TENM4: variants seen among roughly 807,000 people sequenced by gnomAD.
TENM4 encodes the protein teneurin-4.
A neutral mutation model predicts 243.3 loss-of-function variants in TENM4; 82 were observed. That is an observed-to-expected ratio of 0.34 (90% CI 0.28 to 0.40). The LOEUF is 0.40. TENM4 is among the 10% of genes least tolerant of loss of function. The pLI is 1.00. For synonymous variants in TENM4, 1,412 were observed against 1,456.3 expected (o/e 0.97, Z 0.69); for missense variants, 3,138 against 3,673.3 (o/e 0.85, Z 3.77).
At chr11:79,063,570 G>A (rs968598430) in intron 6 of TENM4, among the ~76,000 whole-genome samples, 2 of 152,190 alleles carry the variant, frequency 1.3e-5, no homozygotes, top group Non-Finnish European at 2.9e-5. Context: ...GAACCCAGCA[G>A]GACCCACCTC....
chr11:79,399,369 C>A (rs1299155255), intron 1 of TENM4, among the ~76,000 whole-genome samples: 1 of 152,122 alleles, frequency 6.6e-6, no homozygotes, highest in Non-Finnish European at 1.5e-5. Flanking sequence ...TGCTTATGGA[C>A]AAGGACTAAT....
At chr11:79,001,596 G>C (rs11601247) in intron 6 of TENM4, among the ~76,000 whole-genome samples, 3 of 152,218 alleles carry the variant, frequency 2.0e-5, no homozygotes, top group African/African-American at 4.8e-5. Context: ...ATCTGCAGTA[G>C]AGCACGGCCA....
chr11:79,055,503 A>C (rs1239218012), intron 6 of TENM4, among the ~76,000 whole-genome samples: 1 of 152,150 alleles, frequency 6.6e-6, no homozygotes, highest in East Asian at 1.9e-4. Flanking sequence ...CGGCCTCCCA[A>C]AGTGCTGGGA....
At chr11:78,749,812 G>A (rs1256187301) in intron 19 of TENM4, among the ~76,000 whole-genome samples, 1 of 152,178 alleles carries the variant, frequency 6.6e-6, no homozygotes, top group Non-Finnish European at 1.5e-5. Context: ...TTTAGGTCCT[G>A]ATTGAGATGA....
intron 6 of TENM4, among the ~76,000 whole-genome samples, chr11:79,046,876 C>T (rs960412046): frequency 2.0e-5 from 3 of 152,210 alleles, no homozygotes; most frequent in Non-Finnish European, 4.4e-5. Flanking sequence ...ATGAATACAA[C>T]ACCCAATAAA....
At chr11:78,721,098 G>T (rs1859639088) in intron 24 of TENM4, among the ~76,000 whole-genome samples, 1 of 152,192 alleles carries the variant, frequency 6.6e-6, no homozygotes, top group African/African-American at 2.4e-5. Flanking sequence ...GTCCAAAGTT[G>T]CACAGCTTCT....
intron 1 of TENM4, among the ~76,000 whole-genome samples, chr11:79,316,390 A>T (rs923449451): frequency 2.6e-5 from 4 of 152,184 alleles, no homozygotes; most frequent in African/African-American, 9.6e-5. Context: ...TAGCTCAATG[A>T]TTGAATGAAT....
At position 78,657,061 on chromosome 11, in the gene TENM4, C is replaced by G; in HGVS notation, c.*997G>C. On this transcript the variant is annotated 3_prime_UTR_variant, in exon 34 of 34. Coordinates refer to ENST00000278550, the MANE Select transcript of TENM4 (RefSeq NM_001098816.3). ...AGAGGGCTTTGCCTCGGAAGGCAGGCTGGTGCCCTCGCCACCACTGCCATG... is the reference window on the plus strand; with the variant it reads ...AGAGGGCTTTGCCTCGGAAGGCAGGGTGGTGCCCTCGCCACCACTGCCATG... The G allele has an allele frequency of 2.5e-6, 1 of 398,658 alleles. No homozygotes were observed. Among genetic ancestry groups the G allele is most frequent in the Non-Finnish European group, 4.4e-6 (1 of 226,104 alleles). The allele number at this position is 398,658 out of a possible 1,614,324, so 24.7% of individuals were successfully genotyped here.
At chr11:78,823,622 A>T (rs7924624) in intron 12 of TENM4, among the ~76,000 whole-genome samples, 149 of 152,234 alleles carry the variant, frequency 9.8e-4, no homozygotes, top group African/African-American at 3.4e-3. Context: ...AGGCGGGAAC[A>T]CTGCAGCAAG....
chr11:78,916,743 A>ATCTT (rs56267804), intron 6 of TENM4, among the ~76,000 whole-genome samples: 37,378 of 151,814 alleles, frequency 0.25, 4,774 homozygotes, highest in Middle Eastern at 0.32. Context: ...ATCTACTCAC[A>ATCTT]TCTTTGTTTA....
intron 1 of TENM4, among the ~76,000 whole-genome samples, chr11:79,330,375 G>A (rs72933087): frequency 3.5e-4 from 53 of 152,296 alleles, no homozygotes; most frequent in Admixed American, 9.8e-4. Flanking sequence ...GCTGGCCTCT[G>A]CTCAGTCCCT....
Position 79,376,770 on chromosome 11 carries a change from T to A in TENM4, c.-321+63739A>T, listed in dbSNP as rs75325794. On this transcript the variant is annotated intron_variant, in intron 1 of 33. Transcript: ENST00000278550. ...ATCCTGCCCTTGCCAGGGTGGTATGTCCCCTCAGAGTGGCTCACACTCAGC... is the reference window on the plus strand; with the variant it reads ...ATCCTGCCCTTGCCAGGGTGGTATGACCCCTCAGAGTGGCTCACACTCAGC... 2.0e-4 allele frequency among the ~76,000 whole-genome samples: 30 copies of A among 152,290 alleles called. No homozygotes were observed. The East Asian group carries it at 5.8e-3, about 29-fold the overall frequency.
intron 2 of TENM4, among the ~76,000 whole-genome samples, chr11:79,218,240 C>CGCCG (rs1864093714): frequency 7.2e-6 from 1 of 138,584 alleles, no homozygotes; most frequent in South Asian, 2.5e-4. Flanking sequence ...GCCCACCCAC[C>CGCCG]CCCGACACAC....
At chr11:78,948,730 GTTTT>G (rs1365928266) in intron 6 of TENM4, among the ~76,000 whole-genome samples, 3 of 152,192 alleles carry the variant, frequency 2.0e-5, no homozygotes, top group African/African-American at 7.2e-5. Flanking sequence ...TAAGAGTCAA[GTTTT>G]TGGCTGATTT....
At chr11:79,225,266 A>G (rs1173739796) in intron 2 of TENM4, among the ~76,000 whole-genome samples, 2 of 152,246 alleles carry the variant, frequency 1.3e-5, no homozygotes, top group African/African-American at 4.8e-5. Flanking sequence ...AAGGAAGCTT[A>G]CACGCCTAAG....
chr11:78,856,211 A>C, intron 10 of TENM4, 33 bp from the exon 11 acceptor site: 1 of 1,542,318 alleles, frequency 6.5e-7, no homozygotes, highest in African/African-American at 1.4e-5. Context: ...AGACAAAGAC[A>C]TCTCGGTTAG....
intron 1 of TENM4, among the ~76,000 whole-genome samples, chr11:79,405,847 C>CAAA (rs763128589): frequency 0.01 from 671 of 66,920 alleles, 1 homozygote; most frequent in Non-Finnish European, 0.012. Context: ...ATTGTGATTT[C>CAAA]AAAAAAAAAA....
At chr11:79,008,262 G>A (rs971843367) in intron 6 of TENM4, among the ~76,000 whole-genome samples, 1 of 152,194 alleles carries the variant, frequency 6.6e-6, no homozygotes, top group African/African-American at 2.4e-5. Flanking sequence ...TTCAGCACAA[G>A]GGCTCTGCCA....
chr11:79,031,644 A>G (rs1591224715), intron 6 of TENM4, among the ~76,000 whole-genome samples: 1 of 152,132 alleles, frequency 6.6e-6, no homozygotes, highest in African/African-American at 2.4e-5. Context: ...GGTCAAGGTG[A>G]GGGGTTTAGG....
Sources: allele counts gnomAD v4.1 joint callset (sites outside exome capture counted in the v4.1 genomes callset), GRCh38; gene constraint gnomAD v4.1.1; transcripts MANE v1.5; gene names NCBI Gene and HGNC (gene_info 2026-07-23, HGNC 2026-07-21).